SLC14A2: variants seen among roughly 807,000 people sequenced by gnomAD.
The protein encoded by SLC14A2 is solute carrier family 14 member 2, also known as urea transporter 2.
SLC14A2 carries 91 observed loss-of-function variants against 104.6 expected under a neutral mutation model. That is an observed-to-expected ratio of 0.87 (90% confidence interval 0.73 to 1.04). The LOEUF (loss-of-function observed/expected upper bound fraction) is 1.04. Among genes scored for constraint, SLC14A2 ranks in the 50% least tolerant of loss-of-function variants. SLC14A2 has a pLI of 0.00. For missense variants in SLC14A2, 1,189 were observed against 1,156.0 expected (o/e 1.03, Z -0.41); for synonymous variants, 476 against 466.4 (o/e 1.02, Z -0.27).
At chr18:45,599,238 A>T (rs1403801432) in intron 2 of SLC14A2, among the ~76,000 whole-genome samples, 1 of 152,226 alleles carries the variant, frequency 6.6e-6, no homozygotes, top group African/African-American at 2.4e-5. Flanking sequence ...ACCCCCATCC[A>T]GGAGTAATCG....
In SLC14A2 at chr18:45,247,737, C is replaced by T. The variant is rs12457499; in HGVS notation, c.-125+34546C>T. 4.2e-3 allele frequency among the ~76,000 whole-genome samples: 621 copies of T among 148,206 alleles called. 14 individuals are homozygous for T. The highest frequency in any genetic ancestry group is 0.039 in the Admixed American group (575 of 14,806). ...TTTTTTCATATTAACACAGTCAAAG[C>T]ACTTCTTCAGCATTTTTGAACTCAG... On this transcript the variant is annotated intron_variant, in intron 1 of 20. Transcript: ENST00000586448.
At chr18:45,205,510 TG>T in the SLC14A2 span, among the ~76,000 whole-genome samples, 1 of 152,068 alleles carries the variant, frequency 6.6e-6, no homozygotes, top group East Asian at 1.9e-4. Flanking sequence ...TGAGGACCAT[TG>T]GGGGTTAAAC....
intron 1 of SLC14A2, among the ~76,000 whole-genome samples, chr18:45,216,699 T>C (rs2084014061): frequency 6.6e-6 from 1 of 150,614 alleles, no homozygotes; most frequent in East Asian, 1.9e-4. Flanking sequence ...TGAGACTTCC[T>C]GCCATCTTGG....
intron 1 of SLC14A2, among the ~76,000 whole-genome samples, chr18:45,301,224 G>A (rs951030776): frequency 2.0e-5 from 3 of 152,268 alleles, no homozygotes; most frequent in African/African-American, 4.8e-5. Context: ...CGAGGAACTC[G>A]CCCAAGGTCA....
intron 2 of SLC14A2, among the ~76,000 whole-genome samples, chr18:45,522,491 G>A (rs867860461): frequency 3.7e-4 from 56 of 152,034 alleles, no homozygotes; most frequent in Non-Finnish European, 7.5e-4. Flanking sequence ...AGATGGCCCC[G>A]AGCTCAGGGC....
intron 1 of SLC14A2, among the ~76,000 whole-genome samples, chr18:45,221,906 G>A (rs2084066097): frequency 6.6e-6 from 1 of 152,098 alleles, no homozygotes; most frequent in South Asian, 2.1e-4. Flanking sequence ...TTACATAAAA[G>A]TTGAGGATGG....
chr18:45,258,525 A>C (rs935945798), intron 1 of SLC14A2, among the ~76,000 whole-genome samples: 1 of 143,300 alleles, frequency 7.0e-6, no homozygotes. Context: ...CAGCTGTGTA[A>C]GTCTGGATAA....
At chr18:45,216,597 C>A (rs979198644) in intron 1 of SLC14A2, among the ~76,000 whole-genome samples, 11 of 152,158 alleles carry the variant, frequency 7.2e-5, no homozygotes, top group African/African-American at 2.4e-4. Flanking sequence ...CCTCTGTCCC[C>A]CACCCCACTT....
chr18:45,435,162 G>A (rs2144562159), intron 1 of SLC14A2: 1 of 152,244 alleles, frequency 6.6e-6, no homozygotes, highest in African/African-American at 2.4e-5. Context: ...GTCCTCTCTG[G>A]AGTTAGTTTC....
chr18:45,673,793 A>T lies in SLC14A2; in HGVS notation c.2488A>T (p.Thr830Ser). The change falls in exon 18 of 20, where the codon ACG (threonine) becomes TCG (serine). Residue 830 changes from threonine to serine, a missense_variant. Coordinates refer to ENST00000255226, the MANE Select transcript of SLC14A2 (RefSeq NM_007163.4). The part of the protein sequence containing the change: ...GGMFYVITWQ[T>S]HLLAIACALF... ...CATGTTCTACGTCATCACCTGGCAG[A>T]CGCACCTCCTCGCCATCGCCTGCGG... The T allele has an allele frequency of 6.2e-7, 1 of 1,614,126 alleles. No individual in the cohort carries two copies.
the SLC14A2 span, among the ~76,000 whole-genome samples, chr18:45,187,563 G>A: frequency 6.6e-6 from 1 of 152,102 alleles, no homozygotes; most frequent in South Asian, 2.1e-4. Flanking sequence ...GATAATCTTG[G>A]CATCATGGTA....
chr18:45,551,857 T>C (rs916144701), intron 2 of SLC14A2, among the ~76,000 whole-genome samples: 2 of 152,186 alleles, frequency 1.3e-5, no homozygotes, highest in Non-Finnish European at 2.9e-5. Flanking sequence ...GAGACTTATG[T>C]GGAAATTCCC....
intron 7 of SLC14A2, 92 bp from the exon 8 acceptor site, chr18:45,641,117 A>G: frequency 7.2e-7 from 1 of 1,391,014 alleles, no homozygotes; most frequent in Non-Finnish European, 1.0e-6. Context: ...GAACAACAGC[A>G]TGGAGGCCAC....
the SLC14A2 span, among the ~76,000 whole-genome samples, chr18:45,175,257 C>T: frequency 3.9e-5 from 6 of 151,980 alleles, no homozygotes; most frequent in African/African-American, 1.4e-4. Flanking sequence ...AATAAATCAT[C>T]ATATATCCAC....
intron 1 of SLC14A2, among the ~76,000 whole-genome samples, chr18:45,283,333 G>GAAGCTCATTAA (rs2084782120): frequency 1.4e-5 from 2 of 138,230 alleles, no homozygotes; most frequent in Non-Finnish European, 1.5e-5. Flanking sequence ...TTATAATGCT[G>GAAGCTCATTAA]TGACCCTCCT....
chr18:45,608,540 C>T (rs2044910612), intron 2 of SLC14A2, among the ~76,000 whole-genome samples: 1 of 152,150 alleles, frequency 6.6e-6, no homozygotes, highest in Non-Finnish European at 1.5e-5. Flanking sequence ...CAACACTCAC[C>T]CTCCTTTTAG....
At chr18:45,310,086 A>C (rs1437295985) in intron 1 of SLC14A2, among the ~76,000 whole-genome samples, 1 of 152,100 alleles carries the variant, frequency 6.6e-6, no homozygotes, top group Non-Finnish European at 1.5e-5. Context: ...GTCAATGGAT[A>C]TATCATTTAT....
At chr18:45,401,717 A>G (rs1211413003) in intron 1 of SLC14A2, among the ~76,000 whole-genome samples, 2 of 152,224 alleles carry the variant, frequency 1.3e-5, no homozygotes, top group Non-Finnish European at 2.9e-5. Context: ...AGGGATACTT[A>G]TACAGAAGTT....
chr18:45,444,210 C>G (rs2086727754), intron 1 of SLC14A2, among the ~76,000 whole-genome samples: 1 of 152,160 alleles, frequency 6.6e-6, no homozygotes, highest in Non-Finnish European at 1.5e-5. Flanking sequence ...TAACAGCAAT[C>G]CTAGAGATAA....
Sources: allele counts gnomAD v4.1 joint callset (sites outside exome capture counted in the v4.1 genomes callset), GRCh38; gene constraint gnomAD v4.1.1; transcripts MANE v1.5; gene names NCBI Gene and HGNC (gene_info 2026-07-23, HGNC 2026-07-21).